Variants in REV3L observed in about 807,000 individuals in gnomAD.
The protein encoded by REV3L is REV3 like, DNA directed polymerase zeta catalytic subunit.
In REV3L, 69 loss-of-function variants were observed where a neutral mutation model predicts 299.4. The observed-to-expected ratio is 0.23, with a 90% CI of 0.19 to 0.28. The LOEUF (loss-of-function observed/expected upper bound fraction) is 0.28, where lower values mean the gene tolerates loss of function less well. Among genes scored for constraint, REV3L ranks in the 10% least tolerant of loss-of-function variants. The pLI, the probability that REV3L is intolerant of heterozygous loss-of-function variation, is 1.00. For missense variants in REV3L, 3,128 were observed against 3,693.8 expected (o/e 0.85, Z 3.97); for synonymous variants, 1,238 against 1,271.4 (o/e 0.97, Z 0.56).
At position 111,375,153 on chromosome 6, in the gene REV3L, C is replaced by T. The variant is rs746601805; in HGVS notation, c.3202G>A (p.Glu1068Lys). The part of the protein sequence containing the change: ...KTGKQQRTNN[E>K]NIKRTLSFRK... The stretch of plus-strand genomic sequence containing the variant: ...AAAGACAAAGTTCTTTTAATATTTT[C>T]ATTATTTGTCCTTTGTTGTTTACCA... Residue 1068 changes from glutamate (E) to lysine (K), a missense_variant, in exon 13 of 32, where the codon GAA becomes AAA. Transcript: ENST00000368802. The T allele has an allele frequency of 6.2e-7, 1 of 1,607,340 alleles. No homozygotes were observed. Among genetic ancestry groups the T allele is most frequent in the Admixed American group, 1.7e-5 (1 of 58,540 alleles).
chr6:111,469,202 G>C (rs374589465), intron 1 of REV3L, among the ~76,000 whole-genome samples: 13 of 152,144 alleles, frequency 8.5e-5, no homozygotes, highest in African/African-American at 3.1e-4. Context: ...AAACCTGGAT[G>C]ATTAACACAG....
intron 1 of REV3L, among the ~76,000 whole-genome samples, chr6:111,436,715 G>C (rs1787597249): frequency 6.6e-6 from 1 of 152,136 alleles, no homozygotes; most frequent in Non-Finnish European, 1.5e-5. Flanking sequence ...GTGTTTGGTA[G>C]ATCAGCAGGG....
At chr6:111,477,330 CA>C (rs1398346068) in intron 1 of REV3L, among the ~76,000 whole-genome samples, 5 of 152,132 alleles carry the variant, frequency 3.3e-5, no homozygotes, top group Non-Finnish European at 5.9e-5. Flanking sequence ...AACACATTAT[CA>C]GGATTTCTGG....
At position 111,299,828 on chromosome 6, in the gene REV3L, T is replaced by C. The variant is rs376178752; in HGVS notation, c.*188A>G. ...GGTGACAGAATGAGGAATTTGTACA[T>C]TGTAAGAAGTGAGCTATTCAGAGAT... is the stretch of plus-strand genomic sequence containing the variant. On this transcript the variant is annotated 3_prime_UTR_variant, in exon 32 of 32. Coordinates refer to ENST00000368802, the MANE Select transcript of REV3L (RefSeq NM_001372078.1). 1.1e-5 allele frequency: 5 copies of C among 462,066 alleles called. No homozygotes were observed. The Admixed American group carries it at 1.7e-4, about 16-fold the overall frequency. The allele number at this position is 462,066 out of a possible 1,614,324, so 28.6% of individuals were successfully genotyped here.
At chr6:111,443,196 G>C (rs1370440693) in intron 1 of REV3L, among the ~76,000 whole-genome samples, 1 of 150,766 alleles carries the variant, frequency 6.6e-6, no homozygotes, top group Admixed American at 6.6e-5. Context: ...GTCTTTCTCT[G>C]TTGCCCAGGC....
chr6:111,320,226 G>A lies in REV3L; in HGVS notation c.8351+2343C>T, dbSNP rs1006526609. Reference sequence around the variant, plus strand: ...TGGGATTACAGGCATGCGCCATCACGCCCAGCTAATTTTGTATTTTTAGTA... The same window carrying A: ...TGGGATTACAGGCATGCGCCATCACACCCAGCTAATTTTGTATTTTTAGTA... On this transcript the variant is annotated intron_variant, in intron 26 of 31. Coordinates refer to ENST00000368802, the MANE Select transcript of REV3L (RefSeq NM_001372078.1). Among the ~76,000 whole-genome samples, 28 of 152,016 alleles carry A rather than the reference G, an allele frequency of 1.8e-4. 1 individual carries two copies. The highest frequency in any genetic ancestry group is 1.2e-3 in the South Asian group (6 of 4,828).
intron 1 of REV3L, among the ~76,000 whole-genome samples, chr6:111,433,303 T>G (rs558166732): frequency 3.6e-4 from 54 of 151,910 alleles, no homozygotes; most frequent in Non-Finnish European, 6.8e-4. Context: ...AACCTTTAGC[T>G]AGGCTGGAAA....
intron 31 of REV3L, among the ~76,000 whole-genome samples, chr6:111,300,748 A>G (rs929674048): frequency 6.6e-6 from 1 of 152,168 alleles, no homozygotes; most frequent in East Asian, 1.9e-4. Flanking sequence ...ATAATTTCCT[A>G]TGCCTGTCTT....
intron 26 of REV3L, 130 bp downstream of exon 26, chr6:111,322,439 A>AG (rs1205463013): frequency 5.9e-6 from 4 of 681,978 alleles, no homozygotes; most frequent in Non-Finnish European, 1.0e-5. Context: ...TCTGATCATG[A>AG]GATCGTAAGG....
intron 1 of REV3L, among the ~76,000 whole-genome samples, chr6:111,451,170 T>C (rs1284240815): frequency 1.3e-5 from 2 of 152,238 alleles, no homozygotes; most frequent in African/African-American, 4.8e-5. Flanking sequence ...GACCAAGTAA[T>C]GGAATTACAA....
chr6:111,303,670 GC>G (rs1771881941), intron 31 of REV3L, among the ~76,000 whole-genome samples: 2 of 65,166 alleles, frequency 3.1e-5, no homozygotes, highest in African/African-American at 7.5e-5. Flanking sequence ...CCCAGCCGAG[GC>G]TTTTTTTTTT....
chr6:111,416,982 G>A (rs1196970320), intron 1 of REV3L, among the ~76,000 whole-genome samples: 1 of 151,542 alleles, frequency 6.6e-6, no homozygotes, highest in African/African-American at 2.4e-5. Flanking sequence ...GTGGGAAGGA[G>A]GGTAAAAATG....
intron 1 of REV3L, among the ~76,000 whole-genome samples, chr6:111,429,806 G>T (rs1188700196): frequency 6.6e-6 from 1 of 152,090 alleles, no homozygotes; most frequent in African/African-American, 2.4e-5. Flanking sequence ...GAGCACAGGG[G>T]CCCGGTCGGA....
chr6:111,336,610 T>G (rs1202884373), intron 21 of REV3L, among the ~76,000 whole-genome samples: 1 of 152,158 alleles, frequency 6.6e-6, no homozygotes, highest in Admixed American at 6.5e-5. Context: ...GAAGATAATT[T>G]GGCAGTTCCT....
At chr6:111,313,796 T>C (rs1292797310) in intron 27 of REV3L, among the ~76,000 whole-genome samples, 1 of 152,240 alleles carries the variant, frequency 6.6e-6, no homozygotes, top group African/African-American at 2.4e-5. Flanking sequence ...TTTCCGGATC[T>C]ATCTCCTGCT....
At chr6:111,423,290 C>T (rs1785782753) in intron 1 of REV3L, among the ~76,000 whole-genome samples, 1 of 152,154 alleles carries the variant, frequency 6.6e-6, no homozygotes, top group Admixed American at 6.5e-5. Flanking sequence ...CTAACTCAGA[C>T]TTGTGAGAAT....
chr6:111,422,061 T>G (rs1033381735), intron 1 of REV3L, among the ~76,000 whole-genome samples: 3 of 152,214 alleles, frequency 2.0e-5, no homozygotes, highest in Non-Finnish European at 2.9e-5. Flanking sequence ...CCTTGGAAAT[T>G]AGATTTTCAG....
intron 31 of REV3L, among the ~76,000 whole-genome samples, chr6:111,306,374 T>G (rs1034430633): frequency 1.3e-5 from 2 of 151,978 alleles, no homozygotes; most frequent in East Asian, 3.9e-4. Context: ...AGGTAGAGTG[T>G]GACAGAGAAG....
chr6:111,309,955 C>G lies in REV3L; in HGVS notation c.8940G>C (p.Leu2980=), dbSNP rs746735749. Residue 2980 remains leucine, a synonymous_variant, in exon 30 of 32, where the codon CTG becomes CTC. Coordinates refer to ENST00000368802, the MANE Select transcript of REV3L (RefSeq NM_001372078.1). The part of the protein sequence containing the change: ...VEVLQDPTLR[L]NATYYITKQI... ...GCTTGGTAATATAGTAAGTAGCATT[C>G]AGTCTCAGAGTTGGGTCCTGCAGGA... is the stretch of plus-strand genomic sequence containing the variant. 9.3e-6 allele frequency: 15 copies of G among 1,614,076 alleles called. No individual in the cohort carries two copies. The highest frequency in any genetic ancestry group is 1.3e-5 in the Non-Finnish European group (15 of 1,179,984).
Sources: allele counts gnomAD v4.1 joint callset (sites outside exome capture counted in the v4.1 genomes callset), GRCh38; gene constraint gnomAD v4.1.1; transcripts MANE v1.5; gene names NCBI Gene and HGNC (gene_info 2026-07-23, HGNC 2026-07-21).